CHN2: variants seen among roughly 807,000 people sequenced by gnomAD.
CHN2 encodes chimerin 2.
In CHN2, 35 loss-of-function variants were observed where a neutral mutation model predicts 56.3. The ratio of observed to expected loss-of-function variants is 0.62; its 90% CI spans 0.47 to 0.82. The LOEUF (loss-of-function observed/expected upper bound fraction) is 0.82. CHN2 is among the 40% of genes least tolerant of loss of function. The pLI, the probability that CHN2 is intolerant of heterozygous loss-of-function variation, is 0.00. For synonymous variants in CHN2, 210 were observed against 212.8 expected (o/e 0.99, Z 0.12); for missense variants, 491 against 580.5 (o/e 0.85, Z 1.58).
chr7:29,332,139 T>G (rs928621547), intron 1 of CHN2, among the ~76,000 whole-genome samples: 3 of 152,148 alleles, frequency 2.0e-5, no homozygotes, highest in Admixed American at 6.5e-5. Flanking sequence ...AACAGCCTCA[T>G]GGAGCAGCGG....
intron 6 of CHN2, among the ~76,000 whole-genome samples, chr7:29,446,973 C>T (rs1314401692): frequency 1.3e-5 from 2 of 152,154 alleles, no homozygotes; most frequent in African/African-American, 4.8e-5. Flanking sequence ...AAAAGCAAGA[C>T]ACAAAAGGGT....
Position 29,495,984 on chromosome 7 carries a change from A to C in CHN2, c.687A>C (p.Glu229Asp). Residue 229 changes from glutamate to aspartate, a missense_variant, in exon 8 of 13, where the codon GAA becomes GAC. Coordinates refer to ENST00000222792, the MANE Select transcript of CHN2 (RefSeq NM_004067.4). ...CGTTCCGAGGCCCACACTGGTGTGA[A>C]TATTGTGCCAATTTCATGTGGGGGC... is the stretch of plus-strand genomic sequence containing the variant. ...VHTFRGPHWC[E>D]YCANFMWGLI... 6.2e-7 allele frequency: 1 copy of C among 1,613,002 alleles called. No homozygotes were observed. Among genetic ancestry groups the C allele is most frequent in the South Asian group, 1.1e-5 (1 of 90,826 alleles).
chr7:29,379,568 A>G (rs761002579), intron 3 of CHN2, among the ~76,000 whole-genome samples: 9 of 152,256 alleles, frequency 5.9e-5, no homozygotes, highest in Admixed American at 1.3e-4. Flanking sequence ...CAAGAATAGT[A>G]AAAATGCTGT....
intron 7 of CHN2, chr7:29,484,115 CTCTT>C (rs1787685508): frequency 2.7e-6 from 1 of 376,740 alleles, no homozygotes; most frequent in Non-Finnish European, 5.2e-6. Context: ...TTTCTACCAT[CTCTT>C]TCTTCTTCTC....
intron 1 of CHN2, chr7:29,292,777 T>A: frequency 4.0e-5 from 16 of 403,340 alleles, no homozygotes; most frequent in South Asian, 2.9e-4. Context: ...CATTGACTCT[T>A]CCACCTTTAT....
chr7:29,152,756 C>T (rs1020957656), intron 2 of CHN2, among the ~76,000 whole-genome samples: 2 of 152,188 alleles, frequency 1.3e-5, no homozygotes, highest in Non-Finnish European at 2.9e-5. Flanking sequence ...TTGTCTCTTT[C>T]GGTGCACCCC....
At chr7:29,361,591 C>G (rs1481887229) in intron 2 of CHN2, among the ~76,000 whole-genome samples, 1 of 152,186 alleles carries the variant, frequency 6.6e-6, no homozygotes, top group Non-Finnish European at 1.5e-5. Context: ...TTCCCCTTCC[C>G]TCCTCCAAGT....
At chr7:29,436,061 A>G (rs760864854) in intron 6 of CHN2, among the ~76,000 whole-genome samples, 1 of 152,140 alleles carries the variant, frequency 6.6e-6, no homozygotes, top group Non-Finnish European at 1.5e-5. Context: ...GTAAACACAA[A>G]TGCAGCATGC....
intron 1 of CHN2, among the ~76,000 whole-genome samples, chr7:29,266,345 G>C (rs1053947143): frequency 6.6e-6 from 1 of 152,162 alleles, no homozygotes; most frequent in African/African-American, 2.4e-5. Context: ...CCAATAAGAC[G>C]TGAAACAGGA....
chr7:29,363,739 G>A (rs754726221), intron 2 of CHN2, among the ~76,000 whole-genome samples: 6 of 152,188 alleles, frequency 3.9e-5, no homozygotes, highest in Admixed American at 6.5e-5. Context: ...ATACAGGCAA[G>A]TCAGGGAAGG....
chr7:29,321,748 T>G (rs1417118881), intron 1 of CHN2, among the ~76,000 whole-genome samples: 1 of 152,046 alleles, frequency 6.6e-6, no homozygotes, highest in Non-Finnish European at 1.5e-5. Flanking sequence ...TTTCATATTT[T>G]TAGTAGAGAC....
chr7:29,479,572 C>A, intron 6 of CHN2: 1 of 705,952 alleles, frequency 1.4e-6, no homozygotes, highest in Non-Finnish European at 1.8e-6. Context: ...TAGGCTTTAC[C>A]CCTATAAGAT....
At chr7:29,297,766 C>A (rs1364555788) in intron 1 of CHN2, among the ~76,000 whole-genome samples, 1 of 152,002 alleles carries the variant, frequency 6.6e-6, no homozygotes, top group African/African-American at 2.4e-5. Context: ...TAACCTTTCC[C>A]AGTTTGGAGG....
intron 1 of CHN2, among the ~76,000 whole-genome samples, chr7:29,248,794 TG>T (rs1788272218): frequency 6.6e-6 from 1 of 152,172 alleles, no homozygotes; most frequent in African/African-American, 2.4e-5. Flanking sequence ...ACCAGTAAGT[TG>T]GGTGCTGGAA....
intron 2 of CHN2, among the ~76,000 whole-genome samples, chr7:29,154,328 A>T (rs935516277): frequency 2.0e-5 from 3 of 152,190 alleles, no homozygotes; most frequent in African/African-American, 7.2e-5. Context: ...GTATGCAGTG[A>T]ATCAGCCTCT....
intron 4 of CHN2, chr7:29,397,569 T>G (rs1801855285): frequency 6.6e-6 from 1 of 152,108 alleles, no homozygotes; most frequent in Non-Finnish European, 1.5e-5. Flanking sequence ...AAATCTCCAG[T>G]CCTGTGGGAG....
At chr7:29,179,109 C>G (rs572062094) in intron 2 of CHN2, among the ~76,000 whole-genome samples, 1 of 152,326 alleles carries the variant, frequency 6.6e-6, no homozygotes, top group South Asian at 2.1e-4. Context: ...GACACACTTA[C>G]AGTCCTCATG....
intron 1 of CHN2, among the ~76,000 whole-genome samples, chr7:29,237,373 C>A (rs146214096): frequency 6.6e-6 from 1 of 152,316 alleles, no homozygotes; most frequent in Non-Finnish European, 1.5e-5. Flanking sequence ...TCATCCCATG[C>A]CTTTTAAAGT....
intron 1 of CHN2, among the ~76,000 whole-genome samples, chr7:29,208,192 C>A (rs927787589): frequency 4.6e-5 from 7 of 152,116 alleles, no homozygotes; most frequent in Admixed American, 1.3e-4. Context: ...GGAACTGAGT[C>A]CCTGGGTAGC....
Sources: allele counts gnomAD v4.1 joint callset (sites outside exome capture counted in the v4.1 genomes callset), GRCh38; gene constraint gnomAD v4.1.1; transcripts MANE v1.5; gene names NCBI Gene and HGNC (gene_info 2026-07-23, HGNC 2026-07-21).